Variants in KIFBP observed in about 807,000 individuals in gnomAD.
KIFBP encodes the protein KIF-binding protein.
A neutral mutation model predicts 58.9 loss-of-function variants in KIFBP; 46 were observed. The ratio of observed to expected loss-of-function variants is 0.78; its 90% CI spans 0.62 to 1.00. The LOEUF is 1.00. Ranked by LOEUF, KIFBP falls within the 50% of genes least tolerant of loss-of-function variation. The pLI is 0.00. For missense variants in KIFBP, 651 were observed against 752.9 expected, an observed-to-expected ratio of 0.86 and a Z score of 1.58; for synonymous variants, 241 against 283.4, an observed-to-expected ratio of 0.85 and a Z score of 1.50.
chr10:69,015,493 A>G (rs1589298851), intron 6 of KIFBP, 48 bp from the exon 7 acceptor site: 1 of 1,555,582 alleles, frequency 6.4e-7, no homozygotes, highest in African/African-American at 1.4e-5. Context: ...ATTTAACAGC[A>G]GGAGGTGAGT....
chr10:69,000,171 A>G (rs753798710), intron 1 of KIFBP, among the ~76,000 whole-genome samples: 1 of 152,160 alleles, frequency 6.6e-6, no homozygotes, highest in Non-Finnish European at 1.5e-5. Context: ...GAAGCACATC[A>G]CTAAAACCAG....
At chr10:68,998,230 C>T (rs917056230) in intron 1 of KIFBP, among the ~76,000 whole-genome samples, 13 of 152,020 alleles carry the variant, frequency 8.6e-5, no homozygotes, top group Non-Finnish European at 1.3e-4. Flanking sequence ...GGATTACAGG[C>T]GTGAGCCATT....
chr10:69,008,865 T>A lies in KIFBP; in HGVS notation c.814T>A (p.Cys272Ser). 6.2e-7 allele frequency: 1 copy of A among 1,613,814 alleles called. No homozygotes were observed. The highest frequency in any genetic ancestry group is 1.1e-5 in the South Asian group (1 of 91,082). The part of the protein sequence containing the change: ...NKLCFMEARH[C>S]LSAANVIFGQ... The stretch of plus-strand genomic sequence containing the variant: ...GCTATGCTTTATGGAGGCCAGGCAC[T>A]GTTTATCAGCTGCTAATGTCATTTT... The change falls in exon 5 of 7, where the codon TGT (cysteine) becomes AGT (serine). Residue 272 changes from cysteine to serine, a missense_variant. Physicochemically the swap from Cys to Ser is moderately radical, Grantham distance 112. Transcript: ENST00000361983.
intron 4 of KIFBP, among the ~76,000 whole-genome samples, chr10:69,008,081 T>C (rs773005600): frequency 3.2e-4 from 48 of 152,022 alleles, no homozygotes; most frequent in Non-Finnish European, 6.3e-4. Flanking sequence ...GTTTATCCTA[T>C]TTGCCTTTGT....
At chr10:69,007,158 A>G (rs528304220) in intron 4 of KIFBP, among the ~76,000 whole-genome samples, 1 of 152,308 alleles carries the variant, frequency 6.6e-6, no homozygotes, top group East Asian at 1.9e-4. Context: ...AGATATCTAG[A>G]TATTAAAGTG....
intron 1 of KIFBP, among the ~76,000 whole-genome samples, chr10:68,996,048 C>T (rs12359243): frequency 1.3e-5 from 2 of 151,740 alleles, no homozygotes; most frequent in Admixed American, 6.6e-5. Context: ...ATCCCAATTG[C>T]TCAGGAGGCT....
intron 4 of KIFBP, among the ~76,000 whole-genome samples, chr10:69,008,068 T>G (rs1843552520): frequency 1.3e-5 from 2 of 152,126 alleles, no homozygotes; most frequent in Non-Finnish European, 2.9e-5. Context: ...TCTTCTTACC[T>G]GAGTTTATCC....
At chr10:68,998,378 A>G (rs1381955996) in intron 1 of KIFBP, among the ~76,000 whole-genome samples, 1 of 152,160 alleles carries the variant, frequency 6.6e-6, no homozygotes, top group Non-Finnish European at 1.5e-5. Flanking sequence ...ATTTTGAGAT[A>G]TCTGCAAACT....
At chr10:69,006,034 A>G (rs1218026035) in intron 4 of KIFBP, 119 bp downstream of exon 4, 8 of 955,214 alleles carry the variant, frequency 8.4e-6, no homozygotes, top group East Asian at 5.3e-5. Context: ...ATGATGTACA[A>G]CTGAAGCCGA....
At chr10:69,001,709 G>A (rs756689529) in intron 2 of KIFBP, among the ~76,000 whole-genome samples, 16 of 151,144 alleles carry the variant, frequency 1.1e-4, no homozygotes, top group Middle Eastern at 3.4e-3. Context: ...CTGAGATCAC[G>A]CCACTGCACT....
chr10:69,008,374 T>C (rs1843555409), intron 4 of KIFBP, among the ~76,000 whole-genome samples: 1 of 45,910 alleles, frequency 2.2e-5, no homozygotes, highest in Non-Finnish European at 3.2e-5. Flanking sequence ...GACCCCTGTC[T>C]CGTAAAAAAA....
In KIFBP at chr10:68,989,266, C is replaced by G. The variant is rs1381778441; in HGVS notation, c.426+8C>G. 1 of 1,611,974 alleles carries G rather than the reference C, an allele frequency of 6.2e-7. No homozygotes were observed. Among genetic ancestry groups the G allele is most frequent in the South Asian group, 1.1e-5 (1 of 90,890 alleles). On this transcript the variant is annotated splice_region_variant and intron_variant, in intron 1 of 6. Transcript: ENST00000361983. ...CTCTGCATCCAGGCGCAGGTGAGAG[C>G]GAGCCCGGCCAGGCCGGCCCCTGTT...
chr10:69,004,904 T>G, intron 2 of KIFBP, 142 bp from the exon 3 acceptor site: 2 of 647,868 alleles, frequency 3.1e-6, no homozygotes, highest in Admixed American at 5.7e-5. Context: ...AGAAAATTAC[T>G]TCTTGAGTAA....
Position 69,016,095 on chromosome 10 carries a change from G to A in KIFBP, c.1545G>A (p.Lys515=). The change falls in exon 7 of 7, where the codon AAG becomes AAA. Residue 515 remains lysine, a synonymous_variant. Transcript: ENST00000361983. The part of the protein sequence containing the change: ...KINNLNKSAL[K]YYQLFLDSLR... ...ATAATCTTAATAAGTCAGCACTGAA[G>A]TACTACCAGCTCTTCTTAGACTCCC... 1.2e-6 allele frequency: 2 copies of A among 1,614,104 alleles called. No homozygotes were observed. The highest frequency in any genetic ancestry group is 1.7e-6 in the Non-Finnish European group (2 of 1,179,966).
Position 68,988,874 on chromosome 10 carries a change from G to C in KIFBP, c.42G>C (p.Gln14His). The change falls in exon 1 of 7, where the codon CAG becomes CAC. Residue 14 changes from glutamine to histidine, a missense_variant. Gln to His is a conservative substitution (Grantham distance 24). Coordinates refer to ENST00000361983, the MANE Select transcript of KIFBP (RefSeq NM_015634.4). ...GGGCAGAGGTCTGCGAGAAATTCCA[G>C]GCGGCGCTCGCTCTGTCGCGGGTGG... Reference protein sequence around the residue: ...VPWAEVCEKFQAALALSRVEL... With the variant: ...VPWAEVCEKFHAALALSRVEL... 6.2e-7 allele frequency: 1 copy of C among 1,614,272 alleles called. No homozygotes were observed. Among genetic ancestry groups the C allele is most frequent in the Non-Finnish European group, 8.5e-7 (1 of 1,180,054 alleles).
chr10:69,003,136 TTG>T (rs1009133971), intron 2 of KIFBP, among the ~76,000 whole-genome samples: 2 of 152,036 alleles, frequency 1.3e-5, no homozygotes, highest in Non-Finnish European at 2.9e-5. Context: ...GTGAAATTCC[TTG>T]TGTTTAGTTG....
In KIFBP at chr10:69,016,397, C is replaced by T. The variant is rs1839006331; in HGVS notation, c.1847C>T (p.Thr616Ile). The change falls in exon 7 of 7, where the codon ACC (threonine) becomes ATC (isoleucine). Residue 616 changes from threonine (T) to isoleucine (I), a missense_variant. Coordinates refer to ENST00000361983, the MANE Select transcript of KIFBP (RefSeq NM_015634.4). Reference protein sequence around the residue: ...LLPTKMERFRTKMALT With the variant: ...LLPTKMERFRIKMALT ...CCAACAAAAATGGAGAGATTCAGAA[C>T]CAAGATGGCCCTGACTTAATCCTTG... 1.9e-6 allele frequency: 3 copies of T among 1,614,034 alleles called. No individual in the cohort carries two copies. The highest frequency in any genetic ancestry group is 2.5e-6 in the Non-Finnish European group (3 of 1,179,988).
intron 2 of KIFBP, among the ~76,000 whole-genome samples, chr10:69,004,842 A>G (rs1843513795): frequency 6.6e-6 from 1 of 152,200 alleles, no homozygotes; most frequent in South Asian, 2.1e-4. Context: ...ACTCCACTCC[A>G]GCCTGGGTGA....
chr10:69,000,548 A>AAAACTC, intron 2 of KIFBP, 26 bp downstream of exon 2: 1 of 1,372,156 alleles, frequency 7.3e-7, no homozygotes, highest in Non-Finnish European at 1.0e-6. Context: ...GATGAGTTTT[A>AAAACTC]AGTTTTGATT....
Sources: allele counts gnomAD v4.1 joint callset (sites outside exome capture counted in the v4.1 genomes callset), GRCh38; gene constraint gnomAD v4.1.1; transcripts MANE v1.5; gene names NCBI Gene and HGNC (gene_info 2026-07-23, HGNC 2026-07-21).